Variants in TUBGCP6 observed in about 807,000 individuals in gnomAD.
TUBGCP6 encodes the protein tubulin gamma complex component 6, also known as gamma-tubulin complex component 6.
Under a neutral mutation model 175.8 loss-of-function variants are expected in TUBGCP6, and 161 were observed. The observed-to-expected ratio is 0.92, with a 90% CI of 0.81 to 1.04. The LOEUF (loss-of-function observed/expected upper bound fraction) is 1.04. TUBGCP6 is among the 50% of genes least tolerant of loss of function. The pLI is 0.00. For missense variants in TUBGCP6, 2,572 were observed against 2,433.0 expected (o/e 1.06, Z -1.20); for synonymous variants, 1,173 against 1,030.5 (o/e 1.14, Z -2.65).
rs759309140 is a variant in TUBGCP6 at position 50,226,724 on chromosome 22, A to G, written c.1601+9T>C. On this transcript the variant is annotated intron_variant, in intron 7 of 24. Coordinates refer to ENST00000248846, the MANE Select transcript of TUBGCP6 (RefSeq NM_020461.4). Reference sequence around the variant, plus strand: ...CGCGCCCGCCGCGCCTGCCCAGCCCACTGCCCACCGGGTGTAGGGCTCGCA... The same window carrying G: ...CGCGCCCGCCGCGCCTGCCCAGCCCGCTGCCCACCGGGTGTAGGGCTCGCA... 6.4e-6 allele frequency: 10 copies of G among 1,571,892 alleles called. No individual in the cohort carries two copies. The highest frequency in any genetic ancestry group is 8.6e-6 in the Non-Finnish European group (10 of 1,158,192).
rs1284835241 is a variant in TUBGCP6, at chr22:50,219,789, T to G, written c.4170A>C (p.Glu1390Asp). The G allele has an allele frequency of 6.2e-7, 1 of 1,612,676 alleles. No homozygotes were observed. The part of the protein sequence containing the change: ...LSPNWPLNSQ[E>D]DTAAQSSPGR... Reference sequence around the variant, plus strand: ...CTGGGCTGCTCTGGGCAGCTGTGTCTTCCTAACAAAACACCAGCCTCAGAA... The same window carrying G: ...CTGGGCTGCTCTGGGCAGCTGTGTCGTCCTAACAAAACACCAGCCTCAGAA... The change falls in exon 18 of 25, where the codon GAA becomes GAC. Residue 1390 changes from glutamate (E) to aspartate (D), a missense_variant and splice_region_variant. Physicochemically the swap from Glu to Asp is conservative, Grantham distance 45. Transcript: ENST00000248846.
At position 50,243,901 on chromosome 22, in the gene TUBGCP6, C is replaced by T. The variant is rs908741397; in HGVS notation, c.559G>A (p.Gly187Ser). ...ETLQVMEAAP[G>S]TGLPTVGLFS... ...AGCCCGACGGTGGGCAGGCCAGTGCCTGGAGCAGCCTCCATAACCTGAAGT... is the reference window on the plus strand; with the variant it reads ...AGCCCGACGGTGGGCAGGCCAGTGCTTGGAGCAGCCTCCATAACCTGAAGT... The change falls in exon 1 of 25, where the codon GGC becomes AGC. Residue 187 changes from glycine to serine, a missense_variant. Transcript: ENST00000248846. The T allele has an allele frequency of 6.2e-7, 1 of 1,613,872 alleles. No individual in the cohort carries two copies. The highest frequency in any genetic ancestry group is 8.5e-7 in the Non-Finnish European group (1 of 1,180,034).
Position 50,221,350 on chromosome 22 carries a change from C to A in TUBGCP6, c.3009G>T (p.Leu1003=). 3 of 1,612,476 alleles carry A rather than the reference C, an allele frequency of 1.9e-6. No individual in the cohort carries two copies. The highest frequency in any genetic ancestry group is 2.5e-6 in the Non-Finnish European group (3 of 1,179,878). ...DACGSASRET[L]LPSHPPRRAA... is the part of the protein sequence containing the mutation. ...CACGCCTGGGTGGGTGTGAGGGGAG[C>A]AGAGTCTCCCGCGAGGCGGAGCCAC... Residue 1003 remains leucine, a synonymous_variant, in exon 16 of 25, where the codon CTG becomes CTT. Transcript: ENST00000248846.
In TUBGCP6 at chr22:50,220,024, A is replaced by ACGTC. The variant is rs1264808235; in HGVS notation, c.4109-10_4109-9insGACG. The ACGTC allele has an allele frequency of 6.2e-7, 1 of 1,612,784 alleles. No individual in the cohort carries two copies. The highest frequency in any genetic ancestry group is 8.5e-7 in the Non-Finnish European group (1 of 1,179,384). Reference sequence around the variant, plus strand: ...CCCGCTCCTCCCAGGGCCTGTGTGGACACAAGTGGACACGAGGGCATCAGG... The same window carrying ACGTC: ...CCCGCTCCTCCCAGGGCCTGTGTGGACGTCCACAAGTGGACACGAGGGCATCAGG... On this transcript the variant is annotated splice_polypyrimidine_tract_variant and intron_variant, in intron 16 of 24. Coordinates refer to ENST00000248846, the MANE Select transcript of TUBGCP6 (RefSeq NM_020461.4).
chr22:50,239,465 C>T (rs1447983727), intron 2 of TUBGCP6, among the ~76,000 whole-genome samples: 2 of 152,224 alleles, frequency 1.3e-5, no homozygotes, highest in South Asian at 2.1e-4. Context: ...ATGTGAGCCA[C>T]CGCGCCCAGG....
chr22:50,217,879 TGGCCCCCCCGC>T, intron 24 of TUBGCP6, 28 bp downstream of exon 24: 1 of 1,606,368 alleles, frequency 6.2e-7, no homozygotes, highest in Admixed American at 1.7e-5. Context: ...AGCCCCGCCC[TGGCCCCCCCGC>T]AGCCCTCCCA....
At chr22:50,223,419 C>CTGATGACAGCACAGGACAGGT (rs2064558148) in intron 13 of TUBGCP6, 1 of 152,512 alleles carries the variant, frequency 6.6e-6, no homozygotes, top group East Asian at 1.9e-4. Flanking sequence ...CTGGGACAGC[C>CTGATGACAGCACAGGACAGGT]TGATGACAGC....
chr22:50,237,486 G>A (rs1322142463), intron 2 of TUBGCP6, among the ~76,000 whole-genome samples: 1 of 152,232 alleles, frequency 6.6e-6, no homozygotes, highest in Admixed American at 6.5e-5. Flanking sequence ...CCCAGGAGAC[G>A]TAAACTCAGG....
chr22:50,236,539 G>A (rs530564206), intron 2 of TUBGCP6, among the ~76,000 whole-genome samples: 5 of 152,192 alleles, frequency 3.3e-5, no homozygotes, highest in Non-Finnish European at 4.4e-5. Context: ...TGCTGAGGCT[G>A]TGAAACCACA....
intron 1 of TUBGCP6, among the ~76,000 whole-genome samples, chr22:50,242,360 G>A (rs555316294): frequency 6.6e-6 from 1 of 152,180 alleles, no homozygotes; most frequent in South Asian, 2.1e-4. Flanking sequence ...AGCTGTGTGT[G>A]GTGACGCACA....
At chr22:50,232,209 T>C (rs1476999737) in intron 3 of TUBGCP6, among the ~76,000 whole-genome samples, 1 of 150,508 alleles carries the variant, frequency 6.6e-6, no homozygotes, top group Non-Finnish European at 1.5e-5. Context: ...CTACTAAAAA[T>C]ACAAAAATTA....
At position 50,218,110 on chromosome 22, in the gene TUBGCP6, G is replaced by C; in HGVS notation, c.5176C>G (p.Leu1726Val). Residue 1726 changes from leucine to valine, a missense_variant, in exon 24 of 25, where the codon CTC becomes GTC. Transcript: ENST00000248846. ...ATGACGGGCGCCGCCTTCTCCGTGA[G>C]CAGGCCCCTGGGGGGAAGCAGTGCT... ...YLHKAVFRGL[L>V]TEKAAPVMNV... 6.2e-7 allele frequency: 1 copy of C among 1,612,350 alleles called. No individual in the cohort carries two copies. The highest frequency in any genetic ancestry group is 8.5e-7 in the Non-Finnish European group (1 of 1,179,652).
At chr22:50,242,411 C>T (rs1422078317) in intron 1 of TUBGCP6, among the ~76,000 whole-genome samples, 1 of 152,182 alleles carries the variant, frequency 6.6e-6, no homozygotes, top group Non-Finnish European at 1.5e-5. Context: ...GCAGGAGAAT[C>T]GCTTGAACCC....
chr22:50,219,525 A>ATGGAGCACGTGCTGGGAAC (rs2064479464), intron 18 of TUBGCP6, 69 bp from the exon 19 acceptor site: 2 of 1,586,970 alleles, frequency 1.3e-6, no homozygotes, highest in Non-Finnish European at 1.7e-6. Flanking sequence ...TCCACAGGAG[A>ATGGAGCACGTGCTGGGAAC]TGGAGCACGT....
At position 50,226,716 on chromosome 22, in the gene TUBGCP6, C is replaced by T. The variant is rs55831939; in HGVS notation, c.1601+17G>A. On this transcript the variant is annotated intron_variant, in intron 7 of 24. Coordinates refer to ENST00000248846, the MANE Select transcript of TUBGCP6 (RefSeq NM_020461.4). Reference sequence around the variant, plus strand: ...TGGGAGTGCGCGCCCGCCGCGCCTGCCCAGCCCACTGCCCACCGGGTGTAG... The same window carrying T: ...TGGGAGTGCGCGCCCGCCGCGCCTGTCCAGCCCACTGCCCACCGGGTGTAG... 6.4e-7 allele frequency: 1 copy of T among 1,567,264 alleles called. No individual in the cohort carries two copies.
Position 50,221,821 on chromosome 22 carries a change from C to A in TUBGCP6, c.2538G>T (p.Gly846=), listed in dbSNP as rs773711008. The A allele has an allele frequency of 1.3e-6, 2 of 1,511,340 alleles. No homozygotes were observed. The highest frequency in any genetic ancestry group is 1.4e-5 in the African/African-American group (1 of 71,600). 93.6% of individuals were successfully genotyped at this position (1,511,340 alleles called of 1,614,324 possible). A position where few individuals can be genotyped will look rare whatever the true frequency, so the allele number is the denominator to read the frequency against. The stretch of plus-strand genomic sequence containing the variant: ...AGGCAGGCGAGTGTTGCTCTGCAGA[C>A]CCAGAATCACAGCCTTGGCCTCCCT... ...HPEGGQGCDS[G]SAEQHSPAWD... is the part of the protein sequence containing the mutation. Residue 846 remains glycine (G), a synonymous_variant, in exon 16 of 25, where the codon GGG becomes GGT. Transcript: ENST00000248846.
chr22:50,227,851 C>A, intron 5 of TUBGCP6, 56 bp downstream of exon 5: 1 of 1,550,020 alleles, frequency 6.5e-7, no homozygotes, highest in Admixed American at 1.9e-5. Context: ...CACCACCCAG[C>A]AAGCCCCACA....
rs2064465276 is a variant in TUBGCP6, at chr22:50,218,897, G to C, written c.4627C>G (p.Leu1543Val). 4.4e-6 allele frequency: 7 copies of C among 1,608,544 alleles called. No homozygotes were observed. Among genetic ancestry groups the C allele is most frequent in the Admixed American group, 3.3e-5 (2 of 59,760 alleles). Residue 1543 changes from leucine to valine, a missense_variant and splice_region_variant, in exon 21 of 25, where the codon CTT becomes GTT. Physicochemically the swap from Leu to Val is conservative, Grantham distance 32 (BLOSUM62 1). Coordinates refer to ENST00000248846, the MANE Select transcript of TUBGCP6 (RefSeq NM_020461.4). ...TCTCCGGGCGTTTGCCCAGCTCCAA[G>C]CTAGGCAGAAAAGGGACCACCGTCC... ...QSLSDLLFEK[L>V]GAGQTPGELL...
chr22:50,222,312 C>T (rs755153666), intron 14 of TUBGCP6, 142 bp downstream of exon 14: 43 of 1,351,908 alleles, frequency 3.2e-5, no homozygotes, highest in South Asian at 1.3e-4. Flanking sequence ...TGGTGGCACA[C>T]GGGGAGAGAG....
Sources: gnomAD v4.1 joint callset for allele counts (sites outside exome capture counted in the v4.1 genomes callset) on GRCh38, gnomAD v4.1.1 for gene constraint, MANE v1.5 for transcripts, NCBI Gene and HGNC (gene_info 2026-07-23, HGNC 2026-07-21) for gene names.